FSHR: variants seen among roughly 807,000 people sequenced by gnomAD.
FSHR encodes follicle-stimulating hormone receptor.
In FSHR, 46 loss-of-function variants were observed where a neutral mutation model predicts 52.1. That is an observed-to-expected ratio of 0.88 (90% CI 0.70 to 1.13). The LOEUF is 1.13. Ranked by LOEUF, FSHR falls within the 50% of genes most tolerant of loss-of-function variation. The pLI, the probability that FSHR is intolerant of heterozygous loss-of-function variation, is 0.00. For missense variants in FSHR, 964 were observed against 834.6 expected (o/e 1.16, Z -1.91); for synonymous variants, 399 against 309.6 (o/e 1.29, Z -3.03).
intron 2 of FSHR, among the ~76,000 whole-genome samples, chr2:49,039,614 A>G (rs902854900): frequency 4.6e-5 from 7 of 152,216 alleles, no homozygotes; most frequent in Non-Finnish European, 1.0e-4. Context: ...GCAGACTTCT[A>G]CTTTTTTCCA....
At chr2:49,079,770 A>G (rs1171247571) in intron 1 of FSHR, among the ~76,000 whole-genome samples, 1 of 152,150 alleles carries the variant, frequency 6.6e-6, no homozygotes, top group Non-Finnish European at 1.5e-5. Flanking sequence ...AGGAAAAATT[A>G]AGACTTTAAA....
chr2:49,038,243 T>C (rs1668341832), intron 2 of FSHR, among the ~76,000 whole-genome samples: 1 of 152,120 alleles, frequency 6.6e-6, no homozygotes, highest in African/African-American at 2.4e-5. Flanking sequence ...AGAAGAAAAT[T>C]AGACCCAGAA....
intron 1 of FSHR, among the ~76,000 whole-genome samples, chr2:49,140,299 A>G (rs952224366): frequency 1.3e-5 from 2 of 151,654 alleles, no homozygotes; most frequent in South Asian, 2.1e-4. Context: ...AGTGTGTGGC[A>G]TTGCCCCCGC....
At chr2:49,086,627 AT>A (rs1425427809) in intron 1 of FSHR, among the ~76,000 whole-genome samples, 1 of 151,982 alleles carries the variant, frequency 6.6e-6, no homozygotes, top group Non-Finnish European at 1.5e-5. Flanking sequence ...AGGCATCCTT[AT>A]TTTATTTCTT....
chr2:49,058,614 C>T (rs1346081720), intron 2 of FSHR, among the ~76,000 whole-genome samples: 8 of 151,662 alleles, frequency 5.3e-5, no homozygotes, highest in Admixed American at 1.3e-4. Flanking sequence ...TTGAAAGATA[C>T]AAAATCAACC....
intron 1 of FSHR, among the ~76,000 whole-genome samples, chr2:49,142,459 A>G (rs1176079523): frequency 1.3e-5 from 2 of 152,172 alleles, no homozygotes; most frequent in Non-Finnish European, 2.9e-5. Flanking sequence ...AAGAGGTCAA[A>G]TCATGGGGTG....
At chr2:49,096,315 G>A (rs1418450421) in intron 1 of FSHR, among the ~76,000 whole-genome samples, 1 of 152,190 alleles carries the variant, frequency 6.6e-6, no homozygotes, top group Non-Finnish European at 1.5e-5. Flanking sequence ...ATATAACATA[G>A]ATGAAACTTG....
intron 3 of FSHR, among the ~76,000 whole-genome samples, chr2:49,019,739 C>G (rs903422255): frequency 2.0e-5 from 3 of 152,212 alleles, no homozygotes; most frequent in Non-Finnish European, 4.4e-5. Flanking sequence ...CAGGACTAAT[C>G]AACTTCAACT....
intron 4 of FSHR, among the ~76,000 whole-genome samples, chr2:49,012,071 A>G (rs1667296736): frequency 1.3e-5 from 2 of 152,056 alleles, no homozygotes; most frequent in African/African-American, 2.4e-5. Context: ...TAACAGGCCC[A>G]CATCTGAGTG....
chr2:49,106,158 G>C, intron 1 of FSHR, among the ~76,000 whole-genome samples: 1 of 152,158 alleles, frequency 6.6e-6, no homozygotes, highest in Admixed American at 6.5e-5. Flanking sequence ...TCTCCTTCCT[G>C]AGACCTCAGG....
At chr2:48,974,313 G>A (rs1387891181) in intron 8 of FSHR, among the ~76,000 whole-genome samples, 2 of 152,210 alleles carry the variant, frequency 1.3e-5, no homozygotes, top group Admixed American at 1.3e-4. Flanking sequence ...TTAGGTGTTA[G>A]ATTGGGAAGC....
chr2:49,127,837 T>C lies in FSHR; in HGVS notation c.152+26429A>G, dbSNP rs1558456725. On this transcript the variant is annotated intron_variant, in intron 1 of 9. Coordinates refer to ENST00000406846, the MANE Select transcript of FSHR (RefSeq NM_000145.4). ...TTCTTCTTCTTCTTCTTCCTCTTCTTCTTCTTCTTCTTCTTCTTCTTCTTC... is the reference window on the plus strand; with the variant it reads ...TTCTTCTTCTTCTTCTTCCTCTTCTCCTTCTTCTTCTTCTTCTTCTTCTTC... Among the ~76,000 whole-genome samples the C allele has an allele frequency of 2.0e-3, 37 of 18,226 alleles. 1 individual carries two copies. Among genetic ancestry groups the C allele is most frequent in the African/African-American group, 9.9e-3 (31 of 3,138 alleles). The allele number at this position is 18,226 out of a possible 152,430, so 12.0% of individuals were successfully genotyped here.
intron 1 of FSHR, among the ~76,000 whole-genome samples, chr2:49,132,002 G>C (rs952387716): frequency 1.3e-5 from 2 of 152,118 alleles, no homozygotes; most frequent in Non-Finnish European, 2.9e-5. Context: ...GTGACAACTT[G>C]AAAAGCCTTA....
intron 2 of FSHR, among the ~76,000 whole-genome samples, chr2:49,050,541 A>C (rs1199821791): frequency 6.6e-6 from 1 of 152,174 alleles, no homozygotes; most frequent in African/African-American, 2.4e-5. Flanking sequence ...AAAATGGTAG[A>C]TTCCAACTAA....
chr2:49,087,559 A>G (rs1220775687), intron 1 of FSHR, among the ~76,000 whole-genome samples: 1 of 152,238 alleles, frequency 6.6e-6, no homozygotes, highest in Non-Finnish European at 1.5e-5. Context: ...GCAATCAGAA[A>G]TAGTTTGAAA....
chr2:49,134,145 G>C (rs1331689914), intron 1 of FSHR, among the ~76,000 whole-genome samples: 1 of 152,120 alleles, frequency 6.6e-6, no homozygotes, highest in East Asian at 1.9e-4. Flanking sequence ...TACAGAATGG[G>C]AGAAAATTTT....
intron 1 of FSHR, among the ~76,000 whole-genome samples, chr2:49,135,447 T>C (rs569564486): frequency 3.3e-5 from 5 of 152,264 alleles, no homozygotes; most frequent in South Asian, 2.1e-4. Flanking sequence ...ACTAAACTTA[T>C]GGAATCCAGC....
At chr2:49,082,084 A>G (rs1203697236) in intron 1 of FSHR, among the ~76,000 whole-genome samples, 2 of 152,178 alleles carry the variant, frequency 1.3e-5, no homozygotes, top group African/African-American at 4.8e-5. Context: ...GACACAGAAG[A>G]TGGGTGATTT....
intron 4 of FSHR, among the ~76,000 whole-genome samples, chr2:49,003,189 T>C (rs1309427367): frequency 1.3e-5 from 2 of 152,184 alleles, no homozygotes; most frequent in African/African-American, 4.8e-5. Flanking sequence ...ACTTCAGTGT[T>C]CACACTCTGT....
Sources: gnomAD v4.1 joint callset for allele counts (sites outside exome capture counted in the v4.1 genomes callset) on GRCh38, gnomAD v4.1.1 for gene constraint, MANE v1.5 for transcripts, NCBI Gene and HGNC (gene_info 2026-07-23, HGNC 2026-07-21) for gene names.